Variants in LYPLAL1 observed in about 807,000 individuals in gnomAD.
LYPLAL1 encodes lysophospholipase-like protein 1.
LYPLAL1 carries 23 observed loss-of-function variants against 19.7 expected under a neutral mutation model. That is an observed-to-expected ratio of 1.17 (90% confidence interval 0.84 to 1.65). The LOEUF (loss-of-function observed/expected upper bound fraction) is 1.65. LYPLAL1 is among the 40% of genes most tolerant of loss of function. The probability of loss-of-function intolerance (pLI) is 0.00; values close to 1 mark genes in which losing one functional copy is unlikely to be tolerated. For synonymous variants in LYPLAL1, 119 were observed against 96.3 expected (o/e 1.24, Z -1.38); for missense variants, 355 against 279.4 (o/e 1.27, Z -1.93).
chr1:219,254,475 A>G, the LYPLAL1 span, among the ~76,000 whole-genome samples: 2 of 151,960 alleles, frequency 1.3e-5, no homozygotes, highest in Non-Finnish European at 2.9e-5. Flanking sequence ...CAAGTCTGGT[A>G]GTAATGAATT....
At chr1:219,229,318 A>AGAGAGAGAGAGAGAGAGAGAGAGG in the LYPLAL1 span, among the ~76,000 whole-genome samples, 7 of 149,962 alleles carry the variant, frequency 4.7e-5, no homozygotes, top group African/African-American at 1.7e-4. Flanking sequence ...AGAGAGAGAG[A>AGAGAGAGAGAGAGAGAGAGAGAGG]GAGAGAGAGA....
chr1:219,333,597 C>T, the LYPLAL1 span, among the ~76,000 whole-genome samples: 2 of 151,942 alleles, frequency 1.3e-5, no homozygotes, highest in Non-Finnish European at 2.9e-5. Context: ...AAGATTTTCT[C>T]TTAGACATAA....
chr1:219,386,590 C>G, the LYPLAL1 span, among the ~76,000 whole-genome samples: 1 of 152,114 alleles, frequency 6.6e-6, no homozygotes, highest in African/African-American at 2.4e-5. Context: ...TCTCTTCTGA[C>G]TTTGTACAAT....
chr1:219,285,188 C>A, the LYPLAL1 span, among the ~76,000 whole-genome samples: 2 of 152,282 alleles, frequency 1.3e-5, no homozygotes, highest in East Asian at 3.9e-4. Context: ...TCAACTTTAT[C>A]GATAAAGCAC....
intron 1 of LYPLAL1, 128 bp downstream of exon 1, chr1:219,174,109 C>T: frequency 1.3e-6 from 2 of 1,483,028 alleles, no homozygotes; most frequent in Non-Finnish European, 1.8e-6. Context: ...TCCCCCGTCG[C>T]CAGCCCCGGC....
chr1:219,413,944 A>G, the LYPLAL1 span, among the ~76,000 whole-genome samples: 1 of 152,228 alleles, frequency 6.6e-6, no homozygotes, highest in Non-Finnish European at 1.5e-5. Context: ...AACGGTAAAG[A>G]CTTCTGCAAG....
At chr1:219,241,746 T>C in the LYPLAL1 span, among the ~76,000 whole-genome samples, 1 of 152,162 alleles carries the variant, frequency 6.6e-6, no homozygotes, top group Admixed American at 6.5e-5. Flanking sequence ...AAAATCCATA[T>C]AGAGAGTTTG....
chr1:219,306,046 C>T, the LYPLAL1 span, among the ~76,000 whole-genome samples: 1 of 152,288 alleles, frequency 6.6e-6, no homozygotes, highest in Middle Eastern at 3.4e-3. Flanking sequence ...CTACTACTAG[C>T]GTTTTCTAAC....
chr1:219,342,476 C>A, the LYPLAL1 span, among the ~76,000 whole-genome samples: 1 of 152,226 alleles, frequency 6.6e-6, no homozygotes, highest in East Asian at 1.9e-4. Context: ...AGTGCTGATG[C>A]TCTGGCTACT....
At chr1:219,287,424 C>T in the LYPLAL1 span, among the ~76,000 whole-genome samples, 1 of 152,118 alleles carries the variant, frequency 6.6e-6, no homozygotes, top group Admixed American at 6.6e-5. Flanking sequence ...GGCAAATAAG[C>T]AAATGACAAG....
the LYPLAL1 span, among the ~76,000 whole-genome samples, chr1:219,312,676 C>T: frequency 6.6e-6 from 1 of 152,172 alleles, no homozygotes; most frequent in Non-Finnish European, 1.5e-5. Context: ...TTTGTGGGCA[C>T]CTTGTCTGTT....
At chr1:219,273,836 A>T in the LYPLAL1 span, among the ~76,000 whole-genome samples, 12 of 152,062 alleles carry the variant, frequency 7.9e-5, no homozygotes, top group Non-Finnish European at 1.6e-4. Flanking sequence ...ATCTCGGCTC[A>T]CTGCAACCTC....
chr1:219,371,088 C>G, the LYPLAL1 span, among the ~76,000 whole-genome samples: 1 of 152,178 alleles, frequency 6.6e-6, no homozygotes, highest in Non-Finnish European at 1.5e-5. Context: ...TGAACCTTAA[C>G]TGCTTACAAC....
chr1:219,364,965 G>A, the LYPLAL1 span, among the ~76,000 whole-genome samples: 24 of 152,116 alleles, frequency 1.6e-4, no homozygotes, highest in African/African-American at 5.1e-4. Context: ...GTATTTAAAC[G>A]ACCTATTTGG....
chr1:219,435,611 G>A, the LYPLAL1 span, among the ~76,000 whole-genome samples: 2 of 151,966 alleles, frequency 1.3e-5, no homozygotes, highest in African/African-American at 2.4e-5. Flanking sequence ...CGGATCACGA[G>A]GTCAGGAGTT....
At chr1:219,233,771 C>A in the LYPLAL1 span, among the ~76,000 whole-genome samples, 82 of 146,634 alleles carry the variant, frequency 5.6e-4, no homozygotes, top group African/African-American at 7.0e-4. Context: ...GACCCTGTCT[C>A]AAAAAAAAAA....
the LYPLAL1 span, among the ~76,000 whole-genome samples, chr1:219,362,611 T>G: frequency 6.6e-6 from 1 of 152,092 alleles, no homozygotes; most frequent in Non-Finnish European, 1.5e-5. Flanking sequence ...GGTACGGAAG[T>G]GGCAAATCTC....
At chr1:219,424,994 C>T in the LYPLAL1 span, among the ~76,000 whole-genome samples, 1 of 152,104 alleles carries the variant, frequency 6.6e-6, no homozygotes, top group African/African-American at 2.4e-5. Context: ...TTGTCTTAAC[C>T]GTTCAAACTA....
chr1:219,423,564 C>A, the LYPLAL1 span, among the ~76,000 whole-genome samples: 5 of 152,242 alleles, frequency 3.3e-5, no homozygotes, highest in South Asian at 4.1e-4. Flanking sequence ...AGACTGAATT[C>A]TAATTGTCCA....
Sources: allele counts gnomAD v4.1 joint callset (sites outside exome capture counted in the v4.1 genomes callset), GRCh38; gene constraint gnomAD v4.1.1; transcripts MANE v1.5; gene names NCBI Gene and HGNC (gene_info 2026-07-23, HGNC 2026-07-21).